PCDHGA12: variants seen among roughly 807,000 people sequenced by gnomAD.
PCDHGA12 encodes the protein protocadherin gamma-A12.
Under a neutral mutation model 61.1 loss-of-function variants are expected in PCDHGA12, and 43 were observed. That is an observed-to-expected ratio of 0.70 (90% CI 0.55 to 0.91). The LOEUF is 0.91. Among genes scored for constraint, PCDHGA12 ranks in the 40% least tolerant of loss-of-function variants. The pLI, the probability that PCDHGA12 is intolerant of heterozygous loss-of-function variation, is 0.00. For missense variants in PCDHGA12, 1,236 were observed against 1,227.7 expected (o/e 1.01, Z -0.10); for synonymous variants, 520 against 542.9 (o/e 0.96, Z 0.59).
intron 1 of PCDHGA12, among the ~76,000 whole-genome samples, chr5:141,434,888 C>T (rs1287540129): frequency 6.6e-6 from 1 of 150,944 alleles, no homozygotes; most frequent in Non-Finnish European, 1.5e-5. Flanking sequence ...AACAACAATC[C>T]AGTCCCCTTC....
At chr5:141,503,745 G>A (rs1377110427) in intron 2 of PCDHGA12, among the ~76,000 whole-genome samples, 3 of 152,220 alleles carry the variant, frequency 2.0e-5, no homozygotes, top group South Asian at 2.1e-4. Flanking sequence ...ATGGTATAGA[G>A]GTCACACATG....
chr5:141,489,260 CACA>C lies in PCDHGA12; in HGVS notation c.2425-5546_2425-5544del, dbSNP rs1242559724. 1 of 1,552,022 alleles carries C rather than the reference CACA, an allele frequency of 6.4e-7. No individual in the cohort carries two copies. Among genetic ancestry groups the C allele is most frequent in the Non-Finnish European group, 8.7e-7 (1 of 1,149,038 alleles). ...TGGGTCATGGGGCCCAAGACACTCCCACAGCTCGCTGGGAAATGGCAAGTGCTG... is the reference window on the plus strand; with the variant it reads ...TGGGTCATGGGGCCCAAGACACTCCCGCTCGCTGGGAAATGGCAAGTGCTG... On this transcript the variant is annotated intron_variant, in intron 1 of 3. Coordinates refer to ENST00000252085, the MANE Select transcript of PCDHGA12 (RefSeq NM_003735.3). The surrounding 1 kb of genome is among the most constrained non-coding windows in gnomAD (Gnocchi z 4.5).
Position 141,511,579 on chromosome 5 carries a change from G to T in PCDHGA12, c.*406G>T. The T allele has an allele frequency of 3.6e-6, 1 of 280,798 alleles. No individual in the cohort carries two copies. Among genetic ancestry groups the T allele is most frequent in the South Asian group, 4.1e-5 (1 of 24,614 alleles). 17.4% of individuals were successfully genotyped at this position (280,798 alleles called of 1,614,324 possible). On this transcript the variant is annotated 3_prime_UTR_variant, in exon 4 of 4. Transcript: ENST00000252085. Reference sequence around the variant, plus strand: ...CCTCTTTCCCGAGTAAGGTGGTTGGGGTGTTGAAGTACCAAGTAACCTACA... The same window carrying T: ...CCTCTTTCCCGAGTAAGGTGGTTGGTGTGTTGAAGTACCAAGTAACCTACA...
At position 141,485,044 on chromosome 5, in the gene PCDHGA12, G is replaced by A; in HGVS notation, c.2425-9763G>A. 2 of 737,674 alleles carry A rather than the reference G, an allele frequency of 2.7e-6. No individual in the cohort carries two copies. The highest frequency in any genetic ancestry group is 1.8e-5 in the African/African-American group (1 of 56,792). The allele number at this position is 737,674 out of a possible 1,614,324, so 45.7% of individuals were successfully genotyped here. A position where few individuals can be genotyped will look rare whatever the true frequency, so the allele number is the denominator to read the frequency against. ...GCAAAAACGGCGCGTAACCCTTGCG[G>A]CGCCGGCCGAACCGCGCCAGAGCTG... On this transcript the variant is annotated intron_variant, in intron 1 of 3. Coordinates refer to ENST00000252085, the MANE Select transcript of PCDHGA12 (RefSeq NM_003735.3). This position sits in a 1 kb window ranked among gnomAD's most constrained non-coding sequence, Gnocchi z 5.7.
At chr5:141,507,558 G>A (rs573728108) in intron 3 of PCDHGA12, among the ~76,000 whole-genome samples, 57 of 152,346 alleles carry the variant, frequency 3.7e-4, no homozygotes, top group African/African-American at 1.3e-3. Context: ...AGTGGCAGGC[G>A]GCTGGGTCTG....
rs961891623 is a variant in PCDHGA12 at position 141,487,938 on chromosome 5, GC to G, written c.2425-6868del. The G allele has an allele frequency of 2.8e-5, 17 of 600,188 alleles. No homozygotes were observed. The highest frequency in any genetic ancestry group is 4.7e-5 in the Non-Finnish European group (16 of 342,978). 37.2% of individuals were successfully genotyped at this position (600,188 alleles called of 1,614,324 possible). ...GAGGCTACAGTGCACAGGGTACAGTGCACCAGGCAGTCACTTGGACAAAGGT... is the reference window on the plus strand; with the variant it reads ...GAGGCTACAGTGCACAGGGTACAGTGACCAGGCAGTCACTTGGACAAAGGT... On this transcript the variant is annotated intron_variant, in intron 1 of 3. Coordinates refer to ENST00000252085, the MANE Select transcript of PCDHGA12 (RefSeq NM_003735.3). The surrounding 1 kb of genome is among the most constrained non-coding windows in gnomAD (Gnocchi z 5.0).
chr5:141,442,894 C>T (rs1173211061), intron 1 of PCDHGA12, among the ~76,000 whole-genome samples: 1 of 152,204 alleles, frequency 6.6e-6, no homozygotes, highest in Non-Finnish European at 1.5e-5. Flanking sequence ...CCCTGCTTAT[C>T]ACTTCTCCTT....
intron 2 of PCDHGA12, 69 bp from the exon 3 acceptor site, chr5:141,505,324 G>T: frequency 6.2e-7 from 1 of 1,607,102 alleles, no homozygotes; most frequent in African/African-American, 1.3e-5. Context: ...GGAGCCCTGG[G>T]AGAGGACAGG....
chr5:141,434,401 T>C (rs1036239430), intron 1 of PCDHGA12, among the ~76,000 whole-genome samples: 2 of 152,242 alleles, frequency 1.3e-5, no homozygotes. Context: ...ACAAAATCTC[T>C]GCAGCACTGT....
intron 1 of PCDHGA12, chr5:141,478,831 G>C: frequency 7.0e-7 from 1 of 1,435,672 alleles, no homozygotes; most frequent in Non-Finnish European, 9.1e-7. Flanking sequence ...ATCTTGCTAA[G>C]GGATGGTTAA....
intron 1 of PCDHGA12, chr5:141,441,758 C>T: frequency 2.6e-6 from 1 of 382,050 alleles, no homozygotes. Context: ...TCAACGTGAG[C>T]CTGCGCGTGT....
In PCDHGA12 at chr5:141,477,097, G is replaced by A; in HGVS notation, c.2425-17710G>A. ...AGATTTACATCCAGGCCAAAGACAAGGGCGCCAATCCCGAAGGAGCACATT... is the reference window on the plus strand; with the variant it reads ...AGATTTACATCCAGGCCAAAGACAAAGGCGCCAATCCCGAAGGAGCACATT... On this transcript the variant is annotated intron_variant, in intron 1 of 3. Transcript: ENST00000252085. This position sits in a 1 kb window ranked among gnomAD's most constrained non-coding sequence, Gnocchi z 4.9. 1 of 1,614,242 alleles carries A rather than the reference G, an allele frequency of 6.2e-7. No homozygotes were observed. Among genetic ancestry groups the A allele is most frequent in the South Asian group, 1.1e-5 (1 of 91,088 alleles).
In PCDHGA12 at chr5:141,489,504, A is replaced by G. The variant is rs148241772; in HGVS notation, c.2425-5303A>G. 193 of 1,614,016 alleles carry G rather than the reference A, an allele frequency of 1.2e-4. No individual in the cohort carries two copies. Among genetic ancestry groups the G allele is most frequent in the Non-Finnish European group, 1.6e-4 (184 of 1,180,046 alleles). On this transcript the variant is annotated intron_variant, in intron 1 of 3. Transcript: ENST00000252085. The surrounding 1 kb of genome is among the most constrained non-coding windows in gnomAD (Gnocchi z 4.5). ...TGAGTGGTGCCCTGGCAGTGAATCA[A>G]AAGATTGACCGAGAAAGCCTATGTG...
In PCDHGA12 at chr5:141,477,875, G is replaced by A. The variant is rs760433987; in HGVS notation, c.2425-16932G>A. Reference sequence around the variant, plus strand: ...GATGCTGCCTCGAGGTACCTCAGCTGGCCACCTAGTGTCACGGGTGGTAGG... The same window carrying A: ...GATGCTGCCTCGAGGTACCTCAGCTAGCCACCTAGTGTCACGGGTGGTAGG... On this transcript the variant is annotated intron_variant, in intron 1 of 3. Coordinates refer to ENST00000252085, the MANE Select transcript of PCDHGA12 (RefSeq NM_003735.3). The surrounding 1 kb of genome is among the most constrained non-coding windows in gnomAD (Gnocchi z 4.9). 1 of 1,614,162 alleles carries A rather than the reference G, an allele frequency of 6.2e-7. No homozygotes were observed. Among genetic ancestry groups the A allele is most frequent in the Non-Finnish European group, 8.5e-7 (1 of 1,180,028 alleles).
rs2154573815 is a variant in PCDHGA12 at position 141,475,798 on chromosome 5, CAAAGG to C, written c.2425-19004_2425-19000del. ...TTGGCTGGAAACTCTGGAAGGAAGC[CAAAGG>C]AAAGTGAAGTTCCTGGCGCTAGCGC... On this transcript the variant is annotated intron_variant, in intron 1 of 3. Coordinates refer to ENST00000252085, the MANE Select transcript of PCDHGA12 (RefSeq NM_003735.3). The C allele has an allele frequency of 9.7e-6, 3 of 309,052 alleles. No homozygotes were observed. The South Asian group carries it at 2.0e-4, about 21-fold the overall frequency. 19.1% of individuals were successfully genotyped at this position (309,052 alleles called of 1,614,324 possible).
chr5:141,488,518 G>A lies in PCDHGA12; in HGVS notation c.2425-6289G>A, dbSNP rs2233597. On this transcript the variant is annotated intron_variant, in intron 1 of 3. Coordinates refer to ENST00000252085, the MANE Select transcript of PCDHGA12 (RefSeq NM_003735.3). Reference sequence around the variant, plus strand: ...CACTCATTCCACATTTGGGGTCTGGGGTGTCAGAAAAGCTAAGTCCCATGT... The same window carrying A: ...CACTCATTCCACATTTGGGGTCTGGAGTGTCAGAAAAGCTAAGTCCCATGT... Among the ~76,000 whole-genome samples the A allele has an allele frequency of 5.8e-3, 879 of 152,218 alleles. 4 individuals are homozygous for A. The highest frequency in any genetic ancestry group is 0.021 in the African/African-American group (853 of 41,520).
In PCDHGA12 at chr5:141,462,551, G is replaced by C. The variant is rs57555347; in HGVS notation, c.2424+29368G>C. 8.3e-3 allele frequency among the ~76,000 whole-genome samples: 1,259 copies of C among 151,854 alleles called. 17 individuals carry two copies. The highest frequency in any genetic ancestry group is 0.029 in the African/African-American group (1,196 of 41,422). ...TTGTTCAGTGATCTTTTCTTCTTCA[G>C]TGTTTACTGTATTTGCTAATCCCAT... On this transcript the variant is annotated intron_variant, in intron 1 of 3. Transcript: ENST00000252085.
intron 1 of PCDHGA12, among the ~76,000 whole-genome samples, chr5:141,483,832 G>A (rs994540286): frequency 2.0e-5 from 3 of 152,134 alleles, no homozygotes; most frequent in African/African-American, 7.2e-5. Context: ...ACCTAGGTAA[G>A]GACTTGGTTG....
At chr5:141,506,237 T>G (rs558256375) in intron 3 of PCDHGA12, among the ~76,000 whole-genome samples, 1 of 152,014 alleles carries the variant, frequency 6.6e-6, no homozygotes, top group South Asian at 2.1e-4. Flanking sequence ...GATCATGAGG[T>G]CAGGAGTTCG....
Sources: allele counts gnomAD v4.1 joint callset (sites outside exome capture counted in the v4.1 genomes callset), GRCh38; gene constraint gnomAD v4.1.1; non-coding constraint Gnocchi (gnomAD v3.1); transcripts MANE v1.5; gene names NCBI Gene and HGNC (gene_info 2026-07-23, HGNC 2026-07-21).